The following PRDM16 variants were observed in gnomAD, a reference collection of about 807,000 sequenced individuals.
PRDM16 encodes the protein PR/SET domain 16, also known as histone-lysine N-methyltransferase PRDM16.
Under a neutral mutation model 110.6 loss-of-function variants are expected in PRDM16, and 23 were observed. That is an observed-to-expected ratio of 0.21 (90% confidence interval 0.15 to 0.29). The LOEUF is 0.29. PRDM16 is among the 10% of genes least tolerant of loss of function. The probability of loss-of-function intolerance (pLI) is 1.00; values close to 1 mark genes in which losing one functional copy is unlikely to be tolerated. For synonymous variants in PRDM16, 799 were observed against 781.8 expected (o/e 1.02, Z -0.37); for missense variants, 1,615 against 1,794.3 (o/e 0.90, Z 1.81).
intron 14 of PRDM16, among the ~76,000 whole-genome samples, chr1:3,428,117 G>A (rs920541809): frequency 6.6e-6 from 1 of 152,170 alleles, no homozygotes; most frequent in Non-Finnish European, 1.5e-5. Context: ...TGCGGAGGCT[G>A]AACCACCTGG....
intron 1 of PRDM16, among the ~76,000 whole-genome samples, chr1:3,134,086 T>A (rs548784736): frequency 6.6e-6 from 1 of 152,182 alleles, no homozygotes; most frequent in South Asian, 2.1e-4. Context: ...AGACCTGGGT[T>A]CAGAACCGTC....
chr1:3,300,360 G>C (rs1369903605), intron 3 of PRDM16, among the ~76,000 whole-genome samples: 2 of 131,638 alleles, frequency 1.5e-5, no homozygotes, highest in African/African-American at 5.5e-5. Context: ...TCCCAGTCGT[G>C]GTGACTCTGC....
At chr1:3,132,032 C>T (rs1331913315) in intron 1 of PRDM16, among the ~76,000 whole-genome samples, 2 of 152,094 alleles carry the variant, frequency 1.3e-5, no homozygotes, top group Admixed American at 6.5e-5. Flanking sequence ...CCGTTTAATT[C>T]GGAGGAGAGA....
intron 2 of PRDM16, among the ~76,000 whole-genome samples, chr1:3,216,266 G>A (rs1466994982): frequency 1.3e-5 from 2 of 152,148 alleles, no homozygotes; most frequent in African/African-American, 4.8e-5. Flanking sequence ...TGCTGAACCA[G>A]CCATGTTCAA....
Position 3,148,982 on chromosome 1 carries a change from G to GC in PRDM16, c.38-37137dup, listed in dbSNP as rs1421240302. Among the ~76,000 whole-genome samples, 1 of 152,172 alleles carries GC rather than the reference G, an allele frequency of 6.6e-6. No homozygotes were observed. Among genetic ancestry groups the GC allele is most frequent in the Non-Finnish European group, 1.5e-5 (1 of 68,020 alleles). ...TACTGGTATCAGGGGGGTCATGGGA[G>GC]CCCCCCATCCCAGGGGCCCTCCGGC... On this transcript the variant is annotated intron_variant, in intron 1 of 16. Coordinates refer to ENST00000270722, the MANE Select transcript of PRDM16 (RefSeq NM_022114.4). This position sits in a 1 kb window ranked among gnomAD's most constrained non-coding sequence, Gnocchi z 5.0.
rs573468676 is a variant in PRDM16 at position 3,228,155 on chromosome 1, G to A, written c.388-15932G>A. Among the ~76,000 whole-genome samples the A allele has an allele frequency of 1.4e-4, 21 of 152,364 alleles. No individual in the cohort carries two copies. The East Asian group carries it at 4.1e-3, about 29-fold the overall frequency. ...TTCTGAAGAGAGTCCCCGGAGGGAT[G>A]TGTCCAGTGTGTGTCCTTCCCGGGA... is the stretch of plus-strand genomic sequence containing the variant. On this transcript the variant is annotated intron_variant, in intron 2 of 16. Coordinates refer to ENST00000270722, the MANE Select transcript of PRDM16 (RefSeq NM_022114.4).
intron 2 of PRDM16, among the ~76,000 whole-genome samples, chr1:3,239,990 AAAG>A (rs1445531350): frequency 6.7e-6 from 1 of 149,274 alleles, no homozygotes; most frequent in African/African-American, 2.5e-5. Context: ...AAAGAAAAGA[AAAG>A]AGAGAGAGGA....
chr1:3,421,047 A>G (rs1569758522), intron 12 of PRDM16, among the ~76,000 whole-genome samples: 1 of 152,150 alleles, frequency 6.6e-6, no homozygotes. Flanking sequence ...GGAGCGTGCA[A>G]GGGAGGCACA....
At chr1:3,202,918 G>A (rs1638666591) in intron 2 of PRDM16, among the ~76,000 whole-genome samples, 1 of 152,210 alleles carries the variant, frequency 6.6e-6, no homozygotes, top group African/African-American at 2.4e-5. Flanking sequence ...GCCAAGAGGT[G>A]CAGAGACGAA....
At chr1:3,210,378 C>G (rs888088073) in intron 2 of PRDM16, among the ~76,000 whole-genome samples, 5 of 152,240 alleles carry the variant, frequency 3.3e-5, no homozygotes, top group African/African-American at 4.8e-5. Flanking sequence ...GGCTTTCCCC[C>G]CTCAGATTCA....
intron 3 of PRDM16, among the ~76,000 whole-genome samples, chr1:3,330,868 C>G (rs781154473): frequency 6.6e-5 from 10 of 152,254 alleles, no homozygotes; most frequent in Non-Finnish European, 1.0e-4. Context: ...CTCCCTCTGC[C>G]TCCAGCCAGA....
At chr1:3,421,595 G>A (rs1272029713) in intron 12 of PRDM16, among the ~76,000 whole-genome samples, 3 of 152,298 alleles carry the variant, frequency 2.0e-5, no homozygotes, top group East Asian at 1.9e-4. Context: ...TAGATTAGAA[G>A]CAAGAGAGGG....
intron 2 of PRDM16, among the ~76,000 whole-genome samples, chr1:3,192,120 A>G (rs1488549630): frequency 6.6e-6 from 1 of 152,168 alleles, no homozygotes; most frequent in Non-Finnish European, 1.5e-5. Context: ...GCAAATATTA[A>G]CATGATTTGC....
chr1:3,130,424 G>A lies in PRDM16; in HGVS notation c.38-55701G>A, dbSNP rs547534448. Among the ~76,000 whole-genome samples the A allele has an allele frequency of 7.2e-5, 11 of 152,330 alleles. No individual in the cohort carries two copies. In the South Asian group the frequency reaches 1.2e-3, roughly 17 times the overall value. ...GCCAGGATAAGGAGCAAAGGCAGCCGAGAGGTGGGCCCTTCCTGCGGCCAT... is the reference window on the plus strand; with the variant it reads ...GCCAGGATAAGGAGCAAAGGCAGCCAAGAGGTGGGCCCTTCCTGCGGCCAT... On this transcript the variant is annotated intron_variant, in intron 1 of 16. Transcript: ENST00000270722.
In PRDM16 at chr1:3,411,611, G is replaced by C. The variant is rs2100662425; in HGVS notation, c.1414G>C (p.Ala472Pro). 1.2e-6 allele frequency: 2 copies of C among 1,613,952 alleles called. No homozygotes were observed. Among genetic ancestry groups the C allele is most frequent in the Non-Finnish European group, 1.7e-6 (2 of 1,179,972 alleles). The change falls in exon 9 of 17, where the codon GCA becomes CCA. Residue 472 changes from alanine to proline, a missense_variant. By Grantham distance (27) the Ala-to-Pro change is conservative. This residue lies in a region of PRDM16 where 772 missense variants were observed against 748.3 expected (regional missense o/e 1.03). Coordinates refer to ENST00000270722, the MANE Select transcript of PRDM16 (RefSeq NM_022114.4). ...PLTPSPMMDK[A>P]KPSPSLNHAS... ...GACCCCCAGCCCCATGATGGACAAG[G>C]CAAAACCCTCCCCCAGCCTCAATCA...
intron 2 of PRDM16, among the ~76,000 whole-genome samples, chr1:3,234,372 G>A (rs561943423): frequency 7.4e-4 from 112 of 152,242 alleles, no homozygotes; most frequent in African/African-American, 2.4e-3. Context: ...AGCTGTCCCC[G>A]CCCCAGCAGC....
intron 1 of PRDM16, among the ~76,000 whole-genome samples, chr1:3,112,227 G>A (rs560017693): frequency 1.7e-4 from 26 of 152,304 alleles, no homozygotes; most frequent in African/African-American, 6.0e-4. Flanking sequence ...AACGGACCTC[G>A]GAGGAGCCTC....
chr1:3,376,079 C>T (rs1642985450), intron 3 of PRDM16, among the ~76,000 whole-genome samples: 1 of 152,102 alleles, frequency 6.6e-6, no homozygotes, highest in Non-Finnish European at 1.5e-5. Context: ...GCCACAGCAT[C>T]CCGGTGTCTT....
intron 1 of PRDM16, among the ~76,000 whole-genome samples, chr1:3,105,434 A>G (rs1051745355): frequency 6.6e-6 from 1 of 152,224 alleles, no homozygotes; most frequent in Non-Finnish European, 1.5e-5. Context: ...GGGGCTGGTC[A>G]GCAGGCTCTT....
Sources: allele counts gnomAD v4.1 joint callset (sites outside exome capture counted in the v4.1 genomes callset), GRCh38; gene constraint gnomAD v4.1.1; regional missense constraint gnomAD v4.1.1; non-coding constraint Gnocchi (gnomAD v3.1); transcripts MANE v1.5; gene names NCBI Gene and HGNC (gene_info 2026-07-23, HGNC 2026-07-21).